The following GRM7 variants were observed in gnomAD, a reference collection of about 807,000 sequenced individuals.
The protein encoded by GRM7 is glutamate metabotropic receptor 7.
In GRM7, 35 loss-of-function variants were observed where a neutral mutation model predicts 84.5. That is an observed-to-expected ratio of 0.41 (90% CI 0.32 to 0.55). GRM7 has a LOEUF of 0.55. Among genes scored for constraint, GRM7 ranks in the 20% least tolerant of loss-of-function variants. GRM7 has a pLI of 0.19. For synonymous variants in GRM7, 487 were observed against 455.1 expected, an observed-to-expected ratio of 1.07 and a Z score of -0.89; for missense variants, 1,003 against 1,194.6, an observed-to-expected ratio of 0.84 and a Z score of 2.36.
rs146619960 is a variant in GRM7 at position 7,399,179 on chromosome 3, CAATAATAATAAT to C, written c.1034-15820_1034-15809del. ...CTTCCTATTTAAAAAACAACAAGAACAATAATAATAATAATAATAATAATAATAATAATAAAA... is the reference window on the plus strand; with the variant it reads ...CTTCCTATTTAAAAAACAACAAGAACAATAATAATAATAATAATAATAAAA... On this transcript the variant is annotated intron_variant, in intron 4 of 9. Transcript: ENST00000357716. 5.6e-4 allele frequency among the ~76,000 whole-genome samples: 82 copies of C among 146,268 alleles called. No individual in the cohort carries two copies. In the Middle Eastern group the frequency reaches 0.011, roughly 19 times the overall value.
intron 4 of GRM7, among the ~76,000 whole-genome samples, chr3:7,358,354 C>CTCAGGCTGGAGTGCAGTGG (rs1553567486): frequency 7.9e-6 from 1 of 125,816 alleles, no homozygotes; most frequent in African/African-American, 3.4e-5. Flanking sequence ...GGACTGAGTC[C>CTCAGGCTGGAGTGCAGTGG]CAGGAGATCA....
intron 2 of GRM7, among the ~76,000 whole-genome samples, chr3:7,224,237 G>C (rs1696905222): frequency 6.6e-6 from 1 of 151,420 alleles, no homozygotes; most frequent in African/African-American, 2.5e-5. Context: ...CGGAAGGGAA[G>C]GGGGAGCGCA....
chr3:6,868,145 C>T (rs1441372514), intron 1 of GRM7, among the ~76,000 whole-genome samples: 1 of 152,138 alleles, frequency 6.6e-6, no homozygotes, highest in Non-Finnish European at 1.5e-5. Context: ...CTGCAATGTA[C>T]ATATTCTCAT....
chr3:6,880,532 A>G (rs1695470320), intron 1 of GRM7, among the ~76,000 whole-genome samples: 1 of 152,190 alleles, frequency 6.6e-6, no homozygotes, highest in Non-Finnish European at 1.5e-5. Context: ...AATCTTTTGG[A>G]AGAAAAATTC....
chr3:7,542,892 A>G (rs1692957734), intron 7 of GRM7, among the ~76,000 whole-genome samples: 1 of 152,204 alleles, frequency 6.6e-6, no homozygotes, highest in South Asian at 2.1e-4. Context: ...ATTTGTTTGT[A>G]AATATTTCAT....
Position 7,578,529 on chromosome 3 carries a change from C to T in GRM7, c.1623C>T (p.Cys541=), listed in dbSNP as rs1408019346. The change falls in exon 8 of 10, where the codon TGC becomes TGT. Residue 541 remains cysteine, a synonymous_variant. Coordinates refer to ENST00000357716, the MANE Select transcript of GRM7 (RefSeq NM_000844.4). ...AGAAGACACAGAAAGGAACTCCTTG[C>T]TGTTGGACCTGTGAGCCTTGCGATG... ...QRKKTQKGTP[C]CWTCEPCDGY... is the part of the protein sequence containing the mutation. 6.2e-7 allele frequency: 1 copy of T among 1,613,646 alleles called. No homozygotes were observed. Among genetic ancestry groups the T allele is most frequent in the Non-Finnish European group, 8.5e-7 (1 of 1,179,710 alleles).
chr3:7,620,601 C>T (rs1292582751), intron 8 of GRM7, among the ~76,000 whole-genome samples: 1 of 152,022 alleles, frequency 6.6e-6, no homozygotes, highest in East Asian at 1.9e-4. Flanking sequence ...GGCACAGAAC[C>T]AATATTATAT....
chr3:6,908,937 T>C (rs1042910408), intron 1 of GRM7, among the ~76,000 whole-genome samples: 3 of 152,116 alleles, frequency 2.0e-5, no homozygotes, highest in Non-Finnish European at 2.9e-5. Flanking sequence ...CAATTTTTTC[T>C]CCCCATTTCT....
At chr3:7,395,938 T>C (rs1453593904) in intron 4 of GRM7, among the ~76,000 whole-genome samples, 1 of 152,184 alleles carries the variant, frequency 6.6e-6, no homozygotes, top group South Asian at 2.1e-4. Flanking sequence ...AAATGATACA[T>C]GTTTGGGATG....
rs527636364 is a variant in GRM7, at chr3:7,571,507, CAGTTCCCAACA to C, written c.1516-6908_1516-6898del. Among the ~76,000 whole-genome samples, 213 of 152,286 alleles carry C rather than the reference CAGTTCCCAACA, an allele frequency of 1.4e-3. 1 individual carries two copies. The highest frequency in any genetic ancestry group is 4.9e-3 in the African/African-American group (203 of 41,552). On this transcript the variant is annotated intron_variant, in intron 7 of 9. Transcript: ENST00000357716. ...TAAACCATAAGAATCACCCTTGCTCCAGTTCCCAACAAGTTCCTCATCTCCATCTGACACCT... is the reference window on the plus strand; with the variant it reads ...TAAACCATAAGAATCACCCTTGCTCCAGTTCCTCATCTCCATCTGACACCT...
rs542207891 is a variant in GRM7 at position 7,485,080 on chromosome 3, A to G, written c.1515+23358A>G. Among the ~76,000 whole-genome samples the G allele has an allele frequency of 1.6e-4, 24 of 152,278 alleles. No individual in the cohort carries two copies. The East Asian group carries it at 3.5e-3, about 22-fold the overall frequency. On this transcript the variant is annotated intron_variant, in intron 7 of 9. Transcript: ENST00000357716. ...AACCACATGGTGAGCTTGCAAGTCA[A>G]TCTTTCCCCATTTGTTCCATGAAAT... is the stretch of plus-strand genomic sequence containing the variant.
chr3:7,441,120 A>G (rs1307264746), intron 5 of GRM7, among the ~76,000 whole-genome samples: 1 of 152,190 alleles, frequency 6.6e-6, no homozygotes, highest in Non-Finnish European at 1.5e-5. Flanking sequence ...CCAGCAGTGT[A>G]TAAGCATTCC....
intron 2 of GRM7, among the ~76,000 whole-genome samples, chr3:7,239,447 A>G (rs1210221090): frequency 1.3e-5 from 2 of 152,130 alleles, no homozygotes; most frequent in Non-Finnish European, 2.9e-5. Flanking sequence ...GGCTAATCCT[A>G]CCTACTTTAT....
intron 4 of GRM7, among the ~76,000 whole-genome samples, chr3:7,338,443 A>G (rs903231426): frequency 6.6e-6 from 1 of 152,156 alleles, no homozygotes; most frequent in Admixed American, 6.6e-5. Flanking sequence ...ATTACCACTA[A>G]AGAACTTATT....
intron 8 of GRM7, among the ~76,000 whole-genome samples, chr3:7,595,932 G>T (rs1036373841): frequency 1.3e-5 from 2 of 152,114 alleles, no homozygotes; most frequent in African/African-American, 4.8e-5. Context: ...GGATGATTTT[G>T]AGCATGAGCT....
At chr3:7,464,820 T>C (rs1282652874) in intron 7 of GRM7, among the ~76,000 whole-genome samples, 2 of 134,758 alleles carry the variant, frequency 1.5e-5, no homozygotes, top group Admixed American at 7.7e-5. Flanking sequence ...AGAGCAAGAC[T>C]CTGTCTCAAA....
intron 7 of GRM7, among the ~76,000 whole-genome samples, chr3:7,522,958 A>G (rs1334637549): frequency 6.6e-6 from 1 of 152,074 alleles, no homozygotes; most frequent in Non-Finnish European, 1.5e-5. Context: ...TTCCCTTTGC[A>G]TGTAAGGATG....
At chr3:7,091,452 A>G (rs1462147748) in intron 1 of GRM7, among the ~76,000 whole-genome samples, 4 of 152,188 alleles carry the variant, frequency 2.6e-5, no homozygotes, top group South Asian at 2.1e-4. Context: ...TGCAAAGCAC[A>G]TTATGAAGTG....
At chr3:7,458,867 G>A (rs775694081) in intron 6 of GRM7, among the ~76,000 whole-genome samples, 45 of 152,190 alleles carry the variant, frequency 3.0e-4, no homozygotes, top group Non-Finnish European at 5.6e-4. Flanking sequence ...CAATAATAAT[G>A]TCTTCATGCA....
Sources: gnomAD v4.1 joint callset for allele counts (sites outside exome capture counted in the v4.1 genomes callset) on GRCh38, gnomAD v4.1.1 for gene constraint, MANE v1.5 for transcripts, NCBI Gene and HGNC (gene_info 2026-07-23, HGNC 2026-07-21) for gene names.